Variants in CENPN observed in about 807,000 individuals in gnomAD.
CENPN encodes centromere protein N, also known as interphase centromere complex protein 32.
Under a neutral mutation model 48.6 loss-of-function variants are expected in CENPN, and 36 were observed. The ratio of observed to expected loss-of-function variants is 0.74; its 90% CI spans 0.57 to 0.98. The LOEUF (loss-of-function observed/expected upper bound fraction) is 0.98. Ranked by LOEUF, CENPN falls within the 50% of genes least tolerant of loss-of-function variation. The probability of loss-of-function intolerance (pLI) is 0.00; values close to 1 mark genes in which losing one functional copy is unlikely to be tolerated. For missense variants in CENPN, 439 were observed against 399.2 expected, an observed-to-expected ratio of 1.10 and a Z score of -0.85; for synonymous variants, 166 against 135.2, an observed-to-expected ratio of 1.23 and a Z score of -1.58.
Position 81,030,085 on chromosome 16 carries a change from A to G in CENPN, c.*1434A>G. 1 of 454,706 alleles carries G rather than the reference A, an allele frequency of 2.2e-6. No homozygotes were observed. Among genetic ancestry groups the G allele is most frequent in the Non-Finnish European group, 2.9e-6 (1 of 345,304 alleles). 28.2% of individuals were successfully genotyped at this position (454,706 alleles called of 1,614,324 possible). A position where few individuals can be genotyped will look rare whatever the true frequency, so the allele number is the denominator to read the frequency against. On this transcript the variant is annotated 3_prime_UTR_variant, in exon 11 of 11. Coordinates refer to ENST00000305850, the MANE Select transcript of CENPN (RefSeq NM_001100624.3). ...GAGCTCATGAAACTTATTCACTACCATGAGAATAGTATGGGGGAAATCGTT... is the reference window on the plus strand; with the variant it reads ...GAGCTCATGAAACTTATTCACTACCGTGAGAATAGTATGGGGGAAATCGTT...
chr16:81,027,996 T>G (rs1970586613), intron 9 of CENPN, among the ~76,000 whole-genome samples, 175 bp from the exon 10 acceptor site: 1 of 152,234 alleles, frequency 6.6e-6, no homozygotes, highest in Admixed American at 6.5e-5. Context: ...TGAGCCACTT[T>G]GCCCGACCTG....
downstream of CENPN, chr16:81,032,715 T>A (rs1373499157): frequency 6.3e-7 from 1 of 1,594,764 alleles, no homozygotes; most frequent in East Asian, 2.2e-5. Flanking sequence ...TCACAACATT[T>A]AGACATTTAA....
intron 6 of CENPN, among the ~76,000 whole-genome samples, chr16:81,021,507 G>A (rs35899445): frequency 0.03 from 4,606 of 152,290 alleles, 142 homozygotes; most frequent in African/African-American, 0.076. Context: ...TGGAGGTGCG[G>A]TGTGGAGTAC....
At chr16:81,023,088 C>T in intron 7 of CENPN, 1 of 413,924 alleles carries the variant, frequency 2.4e-6, no homozygotes, top group Admixed American at 4.2e-5. Context: ...TATACAGGCA[C>T]TGGAATTAAA....
At chr16:81,015,468 T>C (rs935542328) in intron 3 of CENPN, among the ~76,000 whole-genome samples, 1 of 152,278 alleles carries the variant, frequency 6.6e-6, no homozygotes, top group Non-Finnish European at 1.5e-5. Context: ...GAGTACATGT[T>C]AAATACTTAA....
chr16:81,022,665 T>C lies in CENPN; in HGVS notation c.600T>C (p.Ser200=). 1 of 1,614,098 alleles carries C rather than the reference T, an allele frequency of 6.2e-7. No individual in the cohort carries two copies. The highest frequency in any genetic ancestry group is 8.5e-7 in the Non-Finnish European group (1 of 1,179,982). Residue 200 remains serine (S), a synonymous_variant, in exon 7 of 11, where the codon TCT becomes TCC. Coordinates refer to ENST00000305850, the MANE Select transcript of CENPN (RefSeq NM_001100624.3). ...ACCTGAGAAGTCGGTATCTGGACTC[T>C]CTTAAGGCTATTGTTTTTAAACAGT... The part of the protein sequence containing the change: ...KMDLRSRYLD[S]LKAIVFKQYN...
chr16:81,020,302 T>C, intron 6 of CENPN, 26 bp downstream of exon 6: 1 of 1,596,286 alleles, frequency 6.3e-7, no homozygotes, highest in Non-Finnish European at 8.5e-7. Flanking sequence ...TTACAAGCTA[T>C]AATATTTTAT....
intron 7 of CENPN, 135 bp from the exon 8 acceptor site, chr16:81,024,580 C>G (rs1970375026): frequency 1.8e-6 from 1 of 566,542 alleles, no homozygotes; most frequent in South Asian, 2.2e-5. Flanking sequence ...TCAGCCAACT[C>G]AGCCAGGATA....
chr16:81,009,802 G>A (rs2151673847), intron 1 of CENPN, among the ~76,000 whole-genome samples: 1 of 152,310 alleles, frequency 6.6e-6, no homozygotes, highest in East Asian at 1.9e-4. Context: ...ATGACTGACA[G>A]GCTTGTCTTA....
At chr16:81,011,042 C>G (rs1481936749) in intron 1 of CENPN, among the ~76,000 whole-genome samples, 2 of 152,220 alleles carry the variant, frequency 1.3e-5, no homozygotes, top group Non-Finnish European at 2.9e-5. Flanking sequence ...CAGTGCCTTT[C>G]AAGGCCCTCC....
At chr16:81,009,378 C>A (rs1221416803) in intron 1 of CENPN, among the ~76,000 whole-genome samples, 1 of 152,168 alleles carries the variant, frequency 6.6e-6, no homozygotes. Context: ...GTTGTAACTG[C>A]AGGCACAATG....
At chr16:81,026,281 A>T (rs1970490236) in intron 8 of CENPN, among the ~76,000 whole-genome samples, 1 of 151,558 alleles carries the variant, frequency 6.6e-6, no homozygotes, top group Non-Finnish European at 1.5e-5. Context: ...AAAATATACT[A>T]AAATGCTAAC....
rs956515770 is a variant in CENPN at position 81,029,919 on chromosome 16, G to C, written c.*1268G>C. On this transcript the variant is annotated 3_prime_UTR_variant, in exon 11 of 11. Coordinates refer to ENST00000305850, the MANE Select transcript of CENPN (RefSeq NM_001100624.3). ...AAGACTGGGTAATTCACAAAGGAAA[G>C]AGGCTTAACTGACGCACATTTCCAC... Among the ~76,000 whole-genome samples, 12 of 152,208 alleles carry C rather than the reference G, an allele frequency of 7.9e-5. No homozygotes were observed. Among genetic ancestry groups the C allele is most frequent in the African/African-American group, 2.7e-4 (11 of 41,434 alleles).
chr16:81,022,610 C>A lies in CENPN; in HGVS notation c.545C>A (p.Ala182Asp), dbSNP rs1230331930. The A allele has an allele frequency of 6.2e-7, 1 of 1,613,962 alleles. No individual in the cohort carries two copies. Among genetic ancestry groups the A allele is most frequent in the Non-Finnish European group, 8.5e-7 (1 of 1,179,902 alleles). Residue 182 changes from alanine (A) to aspartate (D), a missense_variant, in exon 7 of 11, where the codon GCT becomes GAT. Ala to Asp is a moderately radical substitution (Grantham distance 126, BLOSUM62 -2). Coordinates refer to ENST00000305850, the MANE Select transcript of CENPN (RefSeq NM_001100624.3). ...TPLLGQALTIASKHHQIVKMD... is the reference protein window; with the variant it reads ...TPLLGQALTIDSKHHQIVKMD... ...TTTCATTTCAAGGCGCTGACAATTGCTAGCAAACACCATCAGATTGTGAAA... is the reference window on the plus strand; with the variant it reads ...TTTCATTTCAAGGCGCTGACAATTGATAGCAAACACCATCAGATTGTGAAA...
chr16:81,029,840 G>C lies in CENPN; in HGVS notation c.*1189G>C, dbSNP rs1003490789. ...TCTGCCCATTTTAGCCTCCTAAAATGCTGGGATTATAGGAGTGTATTAGTC... is the reference window on the plus strand; with the variant it reads ...TCTGCCCATTTTAGCCTCCTAAAATCCTGGGATTATAGGAGTGTATTAGTC... On this transcript the variant is annotated 3_prime_UTR_variant, in exon 11 of 11. Transcript: ENST00000305850. Among the ~76,000 whole-genome samples, 2 of 152,180 alleles carry C rather than the reference G, an allele frequency of 1.3e-5. No individual in the cohort carries two copies. Among genetic ancestry groups the C allele is most frequent in the African/African-American group, 4.8e-5 (2 of 41,426 alleles).
chr16:81,014,791 C>G (rs1969872305), intron 3 of CENPN, among the ~76,000 whole-genome samples: 1 of 152,218 alleles, frequency 6.6e-6, no homozygotes, highest in Admixed American at 6.5e-5. Context: ...AGGTTGCCAA[C>G]TTACAACAGC....
intron 3 of CENPN, chr16:81,016,677 G>C (rs1381522951): frequency 1.3e-5 from 2 of 152,350 alleles, no homozygotes; most frequent in African/African-American, 4.8e-5. Flanking sequence ...CAGGAGAATC[G>C]GTTGAACCCG....
Position 81,031,055 on chromosome 16 carries a change from TA to T in CENPN, c.*2407del, listed in dbSNP as rs1970751634. Reference sequence around the variant, plus strand: ...CAGAGTGAGACTCCATCTTAAAAAATAAATAAATAAAATAAAATAAATGACA... The same window carrying T: ...CAGAGTGAGACTCCATCTTAAAAAATAATAAATAAAATAAAATAAATGACA... On this transcript the variant is annotated 3_prime_UTR_variant, in exon 11 of 11. Coordinates refer to ENST00000305850, the MANE Select transcript of CENPN (RefSeq NM_001100624.3). 3.3e-5 allele frequency: 5 copies of T among 150,344 alleles called. No homozygotes were observed. The South Asian group carries it at 1.0e-3, about 31-fold the overall frequency. The allele number at this position is 150,344 out of a possible 1,614,324, so 9.3% of individuals were successfully genotyped here.
rs148571857 is a variant in CENPN at position 81,015,773 on chromosome 16, A to G, written c.218-1553A>G. 4.0e-3 allele frequency among the ~76,000 whole-genome samples: 609 copies of G among 152,352 alleles called. 5 individuals carry two copies. Among genetic ancestry groups the G allele is most frequent in the African/African-American group, 0.014 (567 of 41,576 alleles). On this transcript the variant is annotated intron_variant, in intron 3 of 10. Coordinates refer to ENST00000305850, the MANE Select transcript of CENPN (RefSeq NM_001100624.3). ...GTAATCCCAGCACTTTGGGAGACCA[A>G]GGCAGGTGGATCACCTGAGGTCAGG... is the stretch of plus-strand genomic sequence containing the variant.
Sources: gnomAD v4.1 joint callset for allele counts (sites outside exome capture counted in the v4.1 genomes callset) on GRCh38, gnomAD v4.1.1 for gene constraint, MANE v1.5 for transcripts, NCBI Gene and HGNC (gene_info 2026-07-23, HGNC 2026-07-21) for gene names.